The following DLG2 variants were observed in gnomAD, a reference collection of about 807,000 sequenced individuals.
DLG2 encodes discs large MAGUK scaffold protein 2.
DLG2 carries 45 observed loss-of-function variants against 132.5 expected under a neutral mutation model. That is an observed-to-expected ratio of 0.34 (90% CI 0.27 to 0.44). The LOEUF (loss-of-function observed/expected upper bound fraction) is 0.44, where lower values mean the gene tolerates loss of function less well. DLG2 is among the 20% of genes least tolerant of loss of function. The probability of loss-of-function intolerance (pLI) is 1.00; values close to 1 mark genes in which losing one functional copy is unlikely to be tolerated. For missense variants in DLG2, 1,045 were observed against 1,196.9 expected (o/e 0.87, Z 1.87); for synonymous variants, 424 against 419.6 (o/e 1.01, Z -0.13).
intron 18 of DLG2, chr11:83,682,519 C>T (rs1364989464): frequency 2.3e-6 from 2 of 883,746 alleles, no homozygotes; most frequent in Non-Finnish European, 2.7e-6. Flanking sequence ...GTACCCCCAT[C>T]CTCTGCTCGT....
intron 6 of DLG2, among the ~76,000 whole-genome samples, chr11:84,746,709 A>G (rs1017642000): frequency 1.3e-5 from 2 of 152,226 alleles, no homozygotes; most frequent in Non-Finnish European, 2.9e-5. Context: ...TGCAAGATAC[A>G]GAAAAGACAA....
chr11:84,572,011 G>C (rs138626087), intron 6 of DLG2, among the ~76,000 whole-genome samples: 3 of 151,882 alleles, frequency 2.0e-5, no homozygotes, highest in Non-Finnish European at 4.4e-5. Flanking sequence ...TTTACATGGA[G>C]AGAACTGAGG....
At chr11:83,773,694 T>C (rs1042808872) in intron 18 of DLG2, among the ~76,000 whole-genome samples, 1 of 152,174 alleles carries the variant, frequency 6.6e-6, no homozygotes, top group African/African-American at 2.4e-5. Flanking sequence ...TGAATTTACT[T>C]TGTTACCCAT....
chr11:85,348,599 C>T (rs900416878), intron 3 of DLG2, among the ~76,000 whole-genome samples: 1 of 151,998 alleles, frequency 6.6e-6, no homozygotes, highest in Non-Finnish European at 1.5e-5. Context: ...AATTCAATGC[C>T]CCAAACTGAA....
At chr11:83,776,924 C>G (rs1451391) in intron 18 of DLG2, among the ~76,000 whole-genome samples, 103,355 of 152,020 alleles carry the variant, frequency 0.68, 36,586 homozygotes, top group African/African-American at 0.87. Flanking sequence ...ATTTGAGTAC[C>G]TAGACTTTAA....
rs976070312 is a variant in DLG2, at chr11:83,648,821, A to T, written c.1826-15496T>A. Among the ~76,000 whole-genome samples the T allele has an allele frequency of 3.9e-5, 6 of 152,164 alleles. No homozygotes were observed. The South Asian group carries it at 1.0e-3, about 26-fold the overall frequency. On this transcript the variant is annotated intron_variant, in intron 18 of 27. Coordinates refer to ENST00000376104, the MANE Select transcript of DLG2 (RefSeq NM_001142699.3). ...CACCATAGCTATGCATTATGTCAAC[A>T]TTGGGAAAAGGCAGGGTGGAAGGTG... is the stretch of plus-strand genomic sequence containing the variant.
chr11:84,538,031 G>A (rs1205382142), intron 6 of DLG2, among the ~76,000 whole-genome samples: 1 of 152,120 alleles, frequency 6.6e-6, no homozygotes, highest in Non-Finnish European at 1.5e-5. Context: ...TATATGCTAA[G>A]AATATGAACT....
intron 3 of DLG2, among the ~76,000 whole-genome samples, chr11:85,374,989 C>T (rs1037427859): frequency 1.3e-5 from 2 of 152,106 alleles, no homozygotes; most frequent in Admixed American, 1.3e-4. Context: ...CACACGAAGA[C>T]ATAAAGTTTA....
chr11:84,584,909 C>T (rs1024843487), intron 6 of DLG2, among the ~76,000 whole-genome samples: 3 of 150,456 alleles, frequency 2.0e-5, no homozygotes, highest in Admixed American at 6.6e-5. Flanking sequence ...GGGATGGTCT[C>T]GATCTCCTGA....
chr11:83,769,704 C>T (rs546065810), intron 18 of DLG2, among the ~76,000 whole-genome samples: 4 of 152,008 alleles, frequency 2.6e-5, no homozygotes, highest in Admixed American at 2.6e-4. Flanking sequence ...GCTGGGATTA[C>T]AGGCGCCCAC....
At chr11:84,078,666 C>G (rs1196456280) in intron 10 of DLG2, among the ~76,000 whole-genome samples, 1 of 152,194 alleles carries the variant, frequency 6.6e-6, no homozygotes, top group Non-Finnish European at 1.5e-5. Flanking sequence ...CACCTATGTA[C>G]TCCTAGAGGT....
chr11:85,027,585 G>T (rs1029330222), intron 6 of DLG2, among the ~76,000 whole-genome samples: 2 of 152,356 alleles, frequency 1.3e-5, no homozygotes, highest in Admixed American at 1.3e-4. Flanking sequence ...GAGCGAATGA[G>T]CATGGGGTCC....
At chr11:83,863,217 G>A (rs973062072) in intron 16 of DLG2, among the ~76,000 whole-genome samples, 14 of 152,278 alleles carry the variant, frequency 9.2e-5, no homozygotes, top group African/African-American at 3.4e-4. Flanking sequence ...TCTTTTGTGT[G>A]TAAATAAGGA....
In DLG2 at chr11:83,906,287, A is replaced by T. The variant is rs1449369899; in HGVS notation, c.1496+24041T>A. On this transcript the variant is annotated intron_variant, in intron 15 of 27. Coordinates refer to ENST00000376104, the MANE Select transcript of DLG2 (RefSeq NM_001142699.3). ...CACACACACACACACACACACACAC[A>T]CACACACACACACACACACACACAC... Among the ~76,000 whole-genome samples the T allele has an allele frequency of 5.6e-4, 80 of 144,094 alleles. No individual in the cohort carries two copies. The South Asian group carries it at 7.4e-3, about 13-fold the overall frequency. The allele number at this position is 144,094 out of a possible 152,430, so 94.5% of individuals were successfully genotyped here.
At chr11:83,958,469 A>G (rs1343700783) in intron 14 of DLG2, among the ~76,000 whole-genome samples, 2 of 152,160 alleles carry the variant, frequency 1.3e-5, no homozygotes, top group African/African-American at 4.8e-5. Flanking sequence ...CAGCTAGGTA[A>G]ACTTGGTTTC....
chr11:84,819,158 G>A (rs923648965), intron 6 of DLG2, among the ~76,000 whole-genome samples: 1 of 150,436 alleles, frequency 6.6e-6, no homozygotes, highest in African/African-American at 2.4e-5. Flanking sequence ...GAGAACAGAA[G>A]AAAGCCTCTA....
At chr11:84,038,401 A>C (rs2095936738) in intron 11 of DLG2, among the ~76,000 whole-genome samples, 1 of 152,132 alleles carries the variant, frequency 6.6e-6, no homozygotes, top group South Asian at 2.1e-4. Context: ...AAAAAAGCTC[A>C]ACATCACTGA....
At chr11:84,266,081 T>C (rs1026194661) in intron 7 of DLG2, among the ~76,000 whole-genome samples, 5 of 152,134 alleles carry the variant, frequency 3.3e-5, no homozygotes, top group African/African-American at 1.2e-4. Context: ...ACAATAACTA[T>C]ATCAGTGCTA....
At chr11:84,542,474 G>A (rs565547422) in intron 6 of DLG2, among the ~76,000 whole-genome samples, 2 of 152,252 alleles carry the variant, frequency 1.3e-5, no homozygotes, top group Middle Eastern at 3.4e-3. Context: ...TTCTTTGAGG[G>A]TAAGAACCCT....
Sources: allele counts gnomAD v4.1 joint callset (sites outside exome capture counted in the v4.1 genomes callset), GRCh38; gene constraint gnomAD v4.1.1; transcripts MANE v1.5; gene names NCBI Gene and HGNC (gene_info 2026-07-23, HGNC 2026-07-21).